Variants in ATL2 observed in about 807,000 individuals in gnomAD.
ATL2 encodes atlastin GTPase 2.
In ATL2, 31 loss-of-function variants were observed where a neutral mutation model predicts 73.9. The observed-to-expected ratio is 0.42, with a 90% CI of 0.32 to 0.57. ATL2 has a LOEUF of 0.57. Ranked by LOEUF, ATL2 falls within the 20% of genes least tolerant of loss-of-function variation. The pLI, the probability that ATL2 is intolerant of heterozygous loss-of-function variation, is 0.14. For missense variants in ATL2, 738 were observed against 702.6 expected (o/e 1.05, Z -0.57); for synonymous variants, 291 against 237.5 (o/e 1.23, Z -2.07).
chr2:38,320,987 CAAAAA>C (rs34929294), intron 2 of ATL2, among the ~76,000 whole-genome samples: 1 of 94,528 alleles, frequency 1.1e-5, no homozygotes. Context: ...ACCAAAATGA[CAAAAA>C]AAAAAAAAAA....
chr2:38,302,428 C>T (rs909775609), intron 9 of ATL2, among the ~76,000 whole-genome samples: 1 of 152,132 alleles, frequency 6.6e-6, no homozygotes, highest in African/African-American at 2.4e-5. Flanking sequence ...CTAGATTTGC[C>T]ACCTGCTGAT....
At chr2:38,300,404 T>A in intron 9 of ATL2, 76 bp from the exon 10 acceptor site, 1 of 1,008,942 alleles carries the variant, frequency 9.9e-7, no homozygotes, top group Non-Finnish European at 1.5e-6. Flanking sequence ...GAAAAGTCAT[T>A]AAATATAAAA....
intron 1 of ATL2, among the ~76,000 whole-genome samples, chr2:38,352,565 TGGACAA>T (rs937090876): frequency 6.6e-6 from 1 of 152,144 alleles, no homozygotes; most frequent in African/African-American, 2.4e-5. Context: ...CAGAACTCCT[TGGACAA>T]GGACAACAAG....
chr2:38,326,980 T>G (rs1668699503), intron 2 of ATL2, among the ~76,000 whole-genome samples: 2 of 150,922 alleles, frequency 1.3e-5, no homozygotes, highest in Non-Finnish European at 2.9e-5. Context: ...AAAGCAAGGC[T>G]CCATCTCAAA....
rs574128366 is a variant in ATL2, at chr2:38,337,679, A to G, written c.363+5589T>C. 6.3e-4 allele frequency among the ~76,000 whole-genome samples: 96 copies of G among 152,014 alleles called. 1 individual carries two copies. The highest frequency in any genetic ancestry group is 2.2e-3 in the African/African-American group (93 of 41,494). On this transcript the variant is annotated intron_variant, in intron 2 of 12. Transcript: ENST00000378954. ...TCACAGGGATTTACTTCAAAATAAT[A>G]TATAAGGTGTAGACTGAGTTAGATT...
At chr2:38,361,404 G>T (rs1259834022) in intron 1 of ATL2, among the ~76,000 whole-genome samples, 1 of 148,242 alleles carries the variant, frequency 6.7e-6, no homozygotes, top group Non-Finnish European at 1.5e-5. Context: ...ACAAAATACA[G>T]TCTGAACCAC....
chr2:38,348,499 CT>C (rs1670154241), intron 1 of ATL2, among the ~76,000 whole-genome samples: 1 of 151,888 alleles, frequency 6.6e-6, no homozygotes, highest in African/African-American at 2.4e-5. Flanking sequence ...AAGTAAAACA[CT>C]TTAAAAAAGA....
chr2:38,364,297 T>C (rs1014939738), intron 1 of ATL2, among the ~76,000 whole-genome samples: 3 of 151,756 alleles, frequency 2.0e-5, no homozygotes, highest in Non-Finnish European at 4.4e-5. Context: ...AATAAAAGTA[T>C]AGTCTGAGAA....
chr2:38,302,055 C>T (rs1401618417), intron 9 of ATL2, among the ~76,000 whole-genome samples: 1 of 152,178 alleles, frequency 6.6e-6, no homozygotes, highest in African/African-American at 2.4e-5. Flanking sequence ...GTCCCCAGTT[C>T]CCAGACAAGA....
At chr2:38,362,854 C>T (rs1399127511) in intron 1 of ATL2, among the ~76,000 whole-genome samples, 1 of 152,178 alleles carries the variant, frequency 6.6e-6, no homozygotes, top group Non-Finnish European at 1.5e-5. Context: ...CAGGAGTTGT[C>T]ATTGAAGACA....
chr2:38,299,736 G>A (rs59695679), intron 10 of ATL2, among the ~76,000 whole-genome samples: 6,977 of 152,070 alleles, frequency 0.046, 527 homozygotes, highest in African/African-American at 0.16. Context: ...AAGTTTTATC[G>A]GCAAATACTG....
chr2:38,329,900 G>A (rs999194818), intron 2 of ATL2, among the ~76,000 whole-genome samples: 16 of 152,132 alleles, frequency 1.1e-4, no homozygotes, highest in African/African-American at 2.7e-4. Context: ...AGGCCAAGTC[G>A]GGCAGAATAC....
intron 2 of ATL2, among the ~76,000 whole-genome samples, chr2:38,330,328 T>C (rs1400046727): frequency 2.0e-5 from 3 of 152,016 alleles, no homozygotes; most frequent in Non-Finnish European, 2.9e-5. Flanking sequence ...AGGTGCTTTC[T>C]AGAAACTAGG....
At chr2:38,345,573 A>G (rs1343530577) in intron 1 of ATL2, among the ~76,000 whole-genome samples, 1 of 152,212 alleles carries the variant, frequency 6.6e-6, no homozygotes, top group Non-Finnish European at 1.5e-5. Flanking sequence ...AAAGCAATCA[A>G]TATTTAGTTA....
At chr2:38,362,050 A>G (rs1445884350) in intron 1 of ATL2, among the ~76,000 whole-genome samples, 6 of 152,224 alleles carry the variant, frequency 3.9e-5, no homozygotes, top group African/African-American at 1.4e-4. Flanking sequence ...AGGAGACTCA[A>G]ATCAGTCCAC....
intron 1 of ATL2, among the ~76,000 whole-genome samples, chr2:38,373,727 G>C (rs1357896064): frequency 6.6e-6 from 1 of 152,158 alleles, no homozygotes; most frequent in African/African-American, 2.4e-5. Context: ...AAAATCATCT[G>C]TAAAAGTTAT....
chr2:38,358,589 G>A, intron 1 of ATL2: 1 of 295,568 alleles, frequency 3.4e-6, no homozygotes, highest in Non-Finnish European at 7.1e-6. Context: ...ATACTCAGGA[G>A]GCTGAGGCCG....
chr2:38,314,982 G>C (rs7573277), intron 5 of ATL2, among the ~76,000 whole-genome samples: 26 of 152,212 alleles, frequency 1.7e-4, no homozygotes, highest in African/African-American at 5.3e-4. Flanking sequence ...CGGGCGCAGC[G>C]GCTCACGCCG....
At chr2:38,330,492 T>C (rs952833383) in intron 2 of ATL2, among the ~76,000 whole-genome samples, 2 of 152,168 alleles carry the variant, frequency 1.3e-5, no homozygotes, top group African/African-American at 4.8e-5. Flanking sequence ...GACATGATGT[T>C]GTATATAGAA....
Sources: allele counts gnomAD v4.1 joint callset (sites outside exome capture counted in the v4.1 genomes callset), GRCh38; gene constraint gnomAD v4.1.1; transcripts MANE v1.5; gene names NCBI Gene and HGNC (gene_info 2026-07-23, HGNC 2026-07-21).